Variants in DIS3L2 observed in about 807,000 individuals in gnomAD.
The protein encoded by DIS3L2 is DIS3-like exonuclease 2.
In DIS3L2, 34 loss-of-function variants were observed where a neutral mutation model predicts 97.5. That is an observed-to-expected ratio of 0.35 (90% confidence interval 0.27 to 0.46). The LOEUF is 0.46. Among genes scored for constraint, DIS3L2 ranks in the 20% least tolerant of loss-of-function variants. The pLI is 1.00. For synonymous variants in DIS3L2, 435 were observed against 445.2 expected (o/e 0.98, Z 0.29); for missense variants, 1,038 against 1,146.0 (o/e 0.91, Z 1.36).
chr2:232,326,998 G>A (rs186234673), intron 14 of DIS3L2, among the ~76,000 whole-genome samples: 3 of 152,280 alleles, frequency 2.0e-5, no homozygotes, highest in African/African-American at 2.4e-5. Context: ...CTTCCACAGC[G>A]GCCCCACCCT....
intron 4 of DIS3L2, among the ~76,000 whole-genome samples, chr2:232,026,461 C>A (rs527429767): frequency 5.3e-5 from 8 of 151,896 alleles, no homozygotes; most frequent in Non-Finnish European, 1.0e-4. Flanking sequence ...CATGCCCAAA[C>A]GTGGGCATCC....
At chr2:232,218,252 TCA>T (rs1005196703) in intron 10 of DIS3L2, among the ~76,000 whole-genome samples, 2 of 152,154 alleles carry the variant, frequency 1.3e-5, no homozygotes, top group Non-Finnish European at 2.9e-5. Context: ...ACACGCATGC[TCA>T]CACACACATA....
chr2:232,219,089 C>G (rs1484813530), intron 10 of DIS3L2, among the ~76,000 whole-genome samples: 2 of 152,236 alleles, frequency 1.3e-5, no homozygotes, highest in Non-Finnish European at 2.9e-5. Context: ...CTGCCTCCTT[C>G]TGTCAGATGA....
rs138124534 is a variant in DIS3L2 at position 232,039,563 on chromosome 2, G to C, written c.366+9483G>C. ...ATGATTTTTGGCAAAATAGATAGCT[G>C]TATGAGTATCAAGCTGTGAGGCAAT... On this transcript the variant is annotated intron_variant, in intron 5 of 20. Transcript: ENST00000325385. 2.0e-3 allele frequency among the ~76,000 whole-genome samples: 308 copies of C among 152,254 alleles called. 2 individuals are homozygous for C. The highest frequency in any genetic ancestry group is 3.4e-3 in the Non-Finnish European group (231 of 68,018).
At chr2:232,235,179 T>C (rs983651757) in intron 10 of DIS3L2, among the ~76,000 whole-genome samples, 1 of 152,364 alleles carries the variant, frequency 6.6e-6, no homozygotes, top group East Asian at 1.9e-4. Flanking sequence ...CTCTAAATGC[T>C]CTTTAAACAC....
intron 7 of DIS3L2, among the ~76,000 whole-genome samples, chr2:232,132,527 A>AT (rs1412421419): frequency 6.6e-6 from 1 of 152,214 alleles, no homozygotes; most frequent in Non-Finnish European, 1.5e-5. Context: ...GAGAAACAAC[A>AT]TAACAGCAGG....
chr2:232,235,548 CCTT>C (rs1692909856), intron 10 of DIS3L2, among the ~76,000 whole-genome samples: 1 of 152,116 alleles, frequency 6.6e-6, no homozygotes, highest in African/African-American at 2.4e-5. Flanking sequence ...TTTTGATTGG[CCTT>C]CTTCATATTT....
intron 8 of DIS3L2, among the ~76,000 whole-genome samples, chr2:232,144,131 C>T (rs1334860791): frequency 6.6e-6 from 1 of 152,046 alleles, no homozygotes; most frequent in African/African-American, 2.4e-5. Context: ...CTCCTGAAAA[C>T]GTTCCAGTGC....
At chr2:232,106,180 T>C (rs939039979) in intron 6 of DIS3L2, among the ~76,000 whole-genome samples, 13 of 152,188 alleles carry the variant, frequency 8.5e-5, no homozygotes, top group Admixed American at 4.6e-4. Context: ...GCCATATCTA[T>C]TTACAATTAC....
intron 5 of DIS3L2, among the ~76,000 whole-genome samples, chr2:232,060,766 A>G (rs575879409): frequency 8.5e-5 from 13 of 152,302 alleles, no homozygotes; most frequent in Admixed American, 2.0e-4. Context: ...TTTTAACATT[A>G]TTAATTCTTC....
At chr2:232,086,084 A>G (rs1444930920) in intron 5 of DIS3L2, among the ~76,000 whole-genome samples, 1 of 152,060 alleles carries the variant, frequency 6.6e-6, no homozygotes, top group East Asian at 1.9e-4. Flanking sequence ...GGTGTGAGTC[A>G]CTGTGCCTGG....
chr2:231,976,221 T>G (rs72985645), intron 1 of DIS3L2, among the ~76,000 whole-genome samples: 1 of 148,940 alleles, frequency 6.7e-6, no homozygotes, highest in African/African-American at 2.5e-5. Context: ...ATTTAACTAC[T>G]GTATGCTTCT....
chr2:232,300,006 C>G, intron 13 of DIS3L2, 34 bp from the exon 14 acceptor site: 1 of 1,606,008 alleles, frequency 6.2e-7, no homozygotes, highest in Non-Finnish European at 8.5e-7. Flanking sequence ...AGCATGCTGC[C>G]TAAAACTTCT....
intron 10 of DIS3L2, among the ~76,000 whole-genome samples, chr2:232,221,428 G>A (rs1393085030): frequency 6.6e-6 from 1 of 152,158 alleles, no homozygotes; most frequent in Non-Finnish European, 1.5e-5. Context: ...CAGCATTTCA[G>A]GATTCAGCTC....
intron 1 of DIS3L2, among the ~76,000 whole-genome samples, chr2:231,972,668 C>T (rs1395806507): frequency 1.3e-5 from 2 of 152,128 alleles, no homozygotes; most frequent in Non-Finnish European, 2.9e-5. Flanking sequence ...CTCAGCCTCC[C>T]GAGTAGCTGG....
intron 5 of DIS3L2, among the ~76,000 whole-genome samples, chr2:232,078,425 G>T (rs951363037): frequency 6.6e-6 from 1 of 152,116 alleles, no homozygotes; most frequent in East Asian, 1.9e-4. Context: ...GCTTTCATCT[G>T]ATTCTCAGAG....
chr2:232,132,567 C>A (rs1698250638), intron 7 of DIS3L2, among the ~76,000 whole-genome samples: 1 of 152,194 alleles, frequency 6.6e-6, no homozygotes, highest in Admixed American at 6.5e-5. Context: ...ACAACAGCAA[C>A]AACAGAAGGT....
rs536316133 is a variant in DIS3L2, at chr2:232,328,214, T to TG, written c.1740-1598dup. Reference sequence around the variant, plus strand: ...GAAGGGCAGGCTGAAGCTTGATCCTTGTGGTCACACATCCCAGCTGTCACC... The same window carrying TG: ...GAAGGGCAGGCTGAAGCTTGATCCTTGGTGGTCACACATCCCAGCTGTCACC... On this transcript the variant is annotated intron_variant, in intron 14 of 20. Coordinates refer to ENST00000325385, the MANE Select transcript of DIS3L2 (RefSeq NM_152383.5). 2.5e-3 allele frequency among the ~76,000 whole-genome samples: 382 copies of TG among 152,300 alleles called. 3 individuals are homozygous for TG. Among genetic ancestry groups the TG allele is most frequent in the Admixed American group, 5.6e-3 (86 of 15,306 alleles).
intron 4 of DIS3L2, among the ~76,000 whole-genome samples, chr2:232,029,147 CTT>C (rs1169472484): frequency 1.3e-5 from 2 of 152,100 alleles, no homozygotes; most frequent in African/African-American, 2.4e-5. Flanking sequence ...GTTCCAGACT[CTT>C]TTGCTGTCAC....
Sources: gnomAD v4.1 joint callset for allele counts (sites outside exome capture counted in the v4.1 genomes callset) on GRCh38, gnomAD v4.1.1 for gene constraint, MANE v1.5 for transcripts, NCBI Gene and HGNC (gene_info 2026-07-23, HGNC 2026-07-21) for gene names.